The following TRIM67 variants were observed in gnomAD, a reference collection of about 807,000 sequenced individuals.
TRIM67 encodes the protein tripartite motif containing 67, also known as tripartite motif-containing protein 67.
In TRIM67, 39 loss-of-function variants were observed where a neutral mutation model predicts 71.0. The ratio of observed to expected loss-of-function variants is 0.55; its 90% CI spans 0.43 to 0.72. The LOEUF is 0.72. Ranked by LOEUF, TRIM67 falls within the 30% of genes least tolerant of loss-of-function variation. The pLI is 0.00. For synonymous variants in TRIM67, 481 were observed against 473.9 expected (o/e 1.01, Z -0.19); for missense variants, 973 against 1,079.2 (o/e 0.90, Z 1.38).
chr1:231,210,325 G>T (rs1440737532), intron 8 of TRIM67, among the ~76,000 whole-genome samples: 6 of 152,048 alleles, frequency 3.9e-5, no homozygotes, highest in African/African-American at 1.4e-4. Flanking sequence ...CAGCCCCTGG[G>T]GCACCTTCCC....
rs1424586308 is a variant in TRIM67, at chr1:231,213,830, G to T, written c.2139G>T (p.Val713=). ...CTCTTCCCAGGACGGAAGGTGGCGT[G>T]TGCAAGGGGGCCACCGTGGGCGTGC... The part of the protein sequence containing the change: ...NSHTNRTEGG[V]CKGATVGVLL... The change falls in exon 9 of 10, where the codon GTG becomes GTT. Residue 713 remains valine, a synonymous_variant. Coordinates refer to ENST00000366653, the MANE Select transcript of TRIM67 (RefSeq NM_001004342.5). 1 of 1,603,882 alleles carries T rather than the reference G, an allele frequency of 6.2e-7. No homozygotes were observed. The highest frequency in any genetic ancestry group is 8.5e-7 in the Non-Finnish European group (1 of 1,174,120).
chr1:231,205,361 A>G (rs983413963), intron 6 of TRIM67, among the ~76,000 whole-genome samples: 2 of 152,362 alleles, frequency 1.3e-5, no homozygotes, highest in East Asian at 3.9e-4. Flanking sequence ...GCAAAAGGCT[A>G]TGCATTTGGG....
At chr1:231,205,133 C>A (rs2102756071) in intron 6 of TRIM67, among the ~76,000 whole-genome samples, 1 of 152,280 alleles carries the variant, frequency 6.6e-6, no homozygotes, top group Middle Eastern at 3.4e-3. Flanking sequence ...TTAAAAGAAG[C>A]AGCCACAGAG....
chr1:231,167,284 C>T (rs2102711102), intron 1 of TRIM67, among the ~76,000 whole-genome samples: 1 of 149,000 alleles, frequency 6.7e-6, no homozygotes, highest in Non-Finnish European at 1.5e-5. Flanking sequence ...GCCTGGAAAG[C>T]TCAGAAAAGA....
intron 6 of TRIM67, among the ~76,000 whole-genome samples, chr1:231,204,306 A>G (rs940693591): frequency 6.6e-6 from 1 of 152,076 alleles, no homozygotes; most frequent in South Asian, 2.1e-4. Flanking sequence ...CATTCCCTCA[A>G]CGGGTTTTGT....
intron 8 of TRIM67, among the ~76,000 whole-genome samples, chr1:231,212,999 A>C (rs1240376256): frequency 6.6e-6 from 1 of 152,050 alleles, no homozygotes; most frequent in Non-Finnish European, 1.5e-5. Context: ...TGCCTGCCAT[A>C]CGCTGCTTTT....
rs1209613599 is a variant in TRIM67 at position 231,199,412 on chromosome 1, C to T, written c.1263+243C>T. Among the ~76,000 whole-genome samples the T allele has an allele frequency of 4.6e-5, 7 of 152,204 alleles. No individual in the cohort carries two copies. The East Asian group carries it at 1.3e-3, about 29-fold the overall frequency. On this transcript the variant is annotated intron_variant, in intron 3 of 9. Transcript: ENST00000366653. ...AAGTCAGAAGTCCACCCTCTCCCTC[C>T]CTGTTTCTGTCTAAGGGACTATTCT...
intron 9 of TRIM67, among the ~76,000 whole-genome samples, chr1:231,214,821 C>T (rs1397701885): frequency 6.6e-6 from 1 of 151,594 alleles, no homozygotes; most frequent in Non-Finnish European, 1.5e-5. Flanking sequence ...TAGGCTTGGC[C>T]TGACATGGTG....
At chr1:231,193,301 G>T (rs1025668234) in intron 1 of TRIM67, among the ~76,000 whole-genome samples, 1 of 152,228 alleles carries the variant, frequency 6.6e-6, no homozygotes, top group Admixed American at 6.5e-5. Context: ...CTCCACTGAG[G>T]ACTGTATGAT....
chr1:231,195,937 G>A (rs1465862524), intron 1 of TRIM67, among the ~76,000 whole-genome samples: 1 of 152,194 alleles, frequency 6.6e-6, no homozygotes, highest in Non-Finnish European at 1.5e-5. Context: ...CGTTGGTGTG[G>A]TCTAAAGAAT....
chr1:231,187,505 A>C (rs902224546), intron 1 of TRIM67: 8 of 1,516,100 alleles, frequency 5.3e-6, no homozygotes, highest in Non-Finnish European at 7.0e-6. Context: ...GGTTAAAAAA[A>C]AAAAACAATA....
chr1:231,168,179 G>T (rs769265974), intron 1 of TRIM67, among the ~76,000 whole-genome samples: 1 of 152,120 alleles, frequency 6.6e-6, no homozygotes, highest in South Asian at 2.1e-4. Flanking sequence ...TGGCCAGGCT[G>T]GTCTCAATTG....
chr1:231,184,699 ACAATGGT>A (rs1683006705), intron 1 of TRIM67: 2 of 394,078 alleles, frequency 5.1e-6, no homozygotes, highest in East Asian at 1.0e-4. Context: ...CAGCAGAAAA[ACAATGGT>A]CCCTGCAGCT....
intron 8 of TRIM67, among the ~76,000 whole-genome samples, chr1:231,211,114 C>G (rs956934721): frequency 4.0e-5 from 6 of 151,420 alleles, no homozygotes; most frequent in African/African-American, 1.5e-4. Context: ...GACAACGGCT[C>G]GGGTCACGCG....
Position 231,207,736 on chromosome 1 carries a change from T to C in TRIM67, c.1819+946T>C, listed in dbSNP as rs140405973. ...TGATGCCACCTGCAGAGTCACTTTG[T>C]ACACCCCTAGAGGAGAGCTCGCTAG... On this transcript the variant is annotated intron_variant, in intron 7 of 9. Transcript: ENST00000366653. Among the ~76,000 whole-genome samples, 881 of 152,306 alleles carry C rather than the reference T, an allele frequency of 5.8e-3. 7 individuals are homozygous for C. Among genetic ancestry groups the C allele is most frequent in the Middle Eastern group, 0.027 (8 of 294 alleles).
In TRIM67 at chr1:231,217,596, A is replaced by G. The variant is rs923082197; in HGVS notation, c.*2156A>G. On this transcript the variant is annotated 3_prime_UTR_variant, in exon 10 of 10. Coordinates refer to ENST00000366653, the MANE Select transcript of TRIM67 (RefSeq NM_001004342.5). ...AGTGTCTAGCTCTCTTCTGAAAAAA[A>G]AACAGGCCTACACCCTGCCCCCAGA... 1.4e-5 allele frequency: 15 copies of G among 1,056,444 alleles called. No homozygotes were observed. In the African/African-American group the frequency reaches 2.2e-4, roughly 15 times the overall value. The allele number at this position is 1,056,444 out of a possible 1,614,324, so 65.4% of individuals were successfully genotyped here. A position where few individuals can be genotyped will look rare whatever the true frequency, so the allele number is the denominator to read the frequency against.
Position 231,218,041 on chromosome 1 carries a change from A to C in TRIM67, c.*2601A>C. On this transcript the variant is annotated 3_prime_UTR_variant, in exon 10 of 10. Coordinates refer to ENST00000366653, the MANE Select transcript of TRIM67 (RefSeq NM_001004342.5). The stretch of plus-strand genomic sequence containing the variant: ...CAGCATCCAGCTCTCCTTCACAGAC[A>C]CCTCTCCTGTCTTCAGCACAAAACA... 8.6e-7 allele frequency: 1 copy of C among 1,167,110 alleles called. No individual in the cohort carries two copies. The highest frequency in any genetic ancestry group is 1.1e-6 in the Non-Finnish European group (1 of 928,314). 72.3% of individuals were successfully genotyped at this position (1,167,110 alleles called of 1,614,324 possible).
intron 1 of TRIM67, among the ~76,000 whole-genome samples, chr1:231,168,762 G>C (rs1682544316): frequency 6.6e-6 from 1 of 152,194 alleles, no homozygotes; most frequent in Non-Finnish European, 1.5e-5. Flanking sequence ...TACAGATATT[G>C]CTCACTATGA....
intron 1 of TRIM67, among the ~76,000 whole-genome samples, chr1:231,192,188 C>T (rs1339575594): frequency 6.8e-6 from 1 of 147,018 alleles, no homozygotes; most frequent in African/African-American, 2.7e-5. Flanking sequence ...ATCTGTCTCT[C>T]TCTCACTCTC....
Sources: gnomAD v4.1 joint callset for allele counts (sites outside exome capture counted in the v4.1 genomes callset) on GRCh38, gnomAD v4.1.1 for gene constraint, MANE v1.5 for transcripts, NCBI Gene and HGNC (gene_info 2026-07-23, HGNC 2026-07-21) for gene names.